Variants in CCDC187 observed in about 807,000 individuals in gnomAD.
The protein encoded by CCDC187 is coiled-coil domain-containing protein 187.
CCDC187 carries 32 observed loss-of-function variants against 38.0 expected under a neutral mutation model. The ratio of observed to expected loss-of-function variants is 0.84; its 90% CI spans 0.64 to 1.13. CCDC187 has a LOEUF of 1.13. Among genes scored for constraint, CCDC187 ranks in the 50% most tolerant of loss-of-function variants. The pLI is 0.00. For synonymous variants in CCDC187, 333 were observed against 347.9 expected (o/e 0.96, Z 0.48); for missense variants, 707 against 786.8 (o/e 0.90, Z 1.21).
In CCDC187 at chr9:136,302,912, T is replaced by C; in HGVS notation, c.525A>G (p.Ser175=). 1 of 398,704 alleles carries C rather than the reference T, an allele frequency of 2.5e-6. No homozygotes were observed. The highest frequency in any genetic ancestry group is 1.3e-4 in the South Asian group (1 of 7,868). The allele number at this position is 398,704 out of a possible 1,614,324, so 24.7% of individuals were successfully genotyped here. Reference sequence around the variant, plus strand: ...GGAGTCTGGAGGCGCTGGAGGGGGCTGAGGTGCCCAGGGACGCACAGCTCC... The same window carrying C: ...GGAGTCTGGAGGCGCTGGAGGGGGCCGAGGTGCCCAGGGACGCACAGCTCC... ...QQGSCASLGT[S]APSSASRLHK... is the part of the protein sequence containing the mutation. Residue 175 remains serine (S), a synonymous_variant, in exon 2 of 26, where the codon TCA becomes TCG. Transcript: ENST00000638797.
intron 4 of CCDC187, among the ~76,000 whole-genome samples, chr9:136,293,490 CAT>C (rs1831430417): frequency 6.8e-6 from 1 of 147,640 alleles, no homozygotes; most frequent in East Asian, 2.0e-4. Context: ...CTCACAAACA[CAT>C]GCTCACACAC....
chr9:136,281,998 G>A (rs1328532161), intron 9 of CCDC187, among the ~76,000 whole-genome samples: 1 of 152,190 alleles, frequency 6.6e-6, no homozygotes, highest in Non-Finnish European at 1.5e-5. Flanking sequence ...GCTGCTCGGA[G>A]CTCTGCACTC....
intron 2 of CCDC187, among the ~76,000 whole-genome samples, chr9:136,301,243 T>C (rs1831672934): frequency 2.0e-5 from 3 of 152,198 alleles, no homozygotes; most frequent in Non-Finnish European, 2.9e-5. Context: ...TGGAATGATT[T>C]TTATTCCATT....
chr9:136,263,312 C>T (rs1378960722), intron 18 of CCDC187, among the ~76,000 whole-genome samples: 1 of 150,016 alleles, frequency 6.7e-6, no homozygotes, highest in Non-Finnish European at 1.5e-5. Context: ...CGGCTCACTG[C>T]AGACTCCGCC....
chr9:136,273,978 C>G (rs1487208476), intron 14 of CCDC187, among the ~76,000 whole-genome samples: 1 of 152,240 alleles, frequency 6.6e-6, no homozygotes, highest in Non-Finnish European at 1.5e-5. Flanking sequence ...TGTTTGCTGA[C>G]ACACATCACA....
chr9:136,299,451 C>G (rs942905705), intron 3 of CCDC187, among the ~76,000 whole-genome samples: 1 of 152,206 alleles, frequency 6.6e-6, no homozygotes, highest in Non-Finnish European at 1.5e-5. Context: ...GAAACGCCTC[C>G]GCTCCCAAGC....
At chr9:136,293,970 TCA>T (rs1268292356) in intron 4 of CCDC187, among the ~76,000 whole-genome samples, 12 of 108,270 alleles carry the variant, frequency 1.1e-4, no homozygotes, top group Non-Finnish European at 2.3e-4. Context: ...ACACATGCCC[TCA>T]CATGCTCTCA....
chr9:136,289,914 C>CT, intron 7 of CCDC187, 45 bp downstream of exon 7: 2 of 392,848 alleles, frequency 5.1e-6, no homozygotes, highest in African/African-American at 2.1e-5. Context: ...TGGCCCCCCC[C>CT]AAGGCCCCGC....
rs1554760079 is a variant in CCDC187 at position 136,254,884 on chromosome 9, A to G, written c.4944T>C (p.Ser1648=). Residue 1648 remains serine (S), a synonymous_variant, in exon 26 of 26, where the codon TCT becomes TCC. Coordinates refer to ENST00000638797, the MANE Select transcript of CCDC187 (RefSeq NM_001378188.1). The stretch of plus-strand genomic sequence containing the variant: ...AGTCTTCAGCTTCCAAGCTGGGAAG[A>G]GAGCTGGAGCTCCCAGAAAGCTGGA... ...TLIQLSGSSS[S]LPSLEAEDSP... is the part of the protein sequence containing the mutation. The G allele has an allele frequency of 1.1e-5, 11 of 985,358 alleles. No homozygotes were observed. Among genetic ancestry groups the G allele is most frequent in the African/African-American group, 1.7e-5 (1 of 57,224 alleles). 61.0% of individuals were successfully genotyped at this position (985,358 alleles called of 1,614,324 possible).
chr9:136,280,786 C>T (rs1037870074), intron 10 of CCDC187, among the ~76,000 whole-genome samples: 2 of 152,332 alleles, frequency 1.3e-5, no homozygotes, highest in South Asian at 2.1e-4. Flanking sequence ...CCAGGCCTTC[C>T]TCAGGCCTCC....
intron 7 of CCDC187, among the ~76,000 whole-genome samples, chr9:136,287,513 G>A (rs1474231658): frequency 6.6e-5 from 10 of 152,254 alleles, no homozygotes; most frequent in African/African-American, 1.4e-4. Flanking sequence ...TTTCCTGCAC[G>A]GAGCTGCATT....
Position 136,276,191 on chromosome 9 carries a change from T to C in CCDC187, c.3225+3A>G, listed in dbSNP as rs1830927396. 6.6e-6 allele frequency: 1 copy of C among 152,316 alleles called. No homozygotes were observed. Among genetic ancestry groups the C allele is most frequent in the African/African-American group, 2.4e-5 (1 of 41,572 alleles). The allele number at this position is 152,316 out of a possible 1,614,324, so 9.4% of individuals were successfully genotyped here. A position where few individuals can be genotyped will look rare whatever the true frequency, so the allele number is the denominator to read the frequency against. The stretch of plus-strand genomic sequence containing the variant: ...GGCTCCCCCTGTGGCAAGCGGCTGC[T>C]ACCTCCAGCCGCCTCCTGAAGAGCA... On this transcript the variant is annotated splice_donor_region_variant and intron_variant, in intron 12 of 25. Transcript: ENST00000638797.
intron 7 of CCDC187, 57 bp downstream of exon 7, chr9:136,289,902 C>G (rs2131300936): frequency 6.3e-6 from 2 of 315,834 alleles, no homozygotes; most frequent in East Asian, 7.6e-5. Flanking sequence ...CAGAACTGTT[C>G]TTGGCCCCCC....
chr9:136,289,911 C>CG (rs1364789255), intron 7 of CCDC187, 48 bp downstream of exon 7: 2 of 391,730 alleles, frequency 5.1e-6, no homozygotes, highest in Middle Eastern at 6.4e-4. Flanking sequence ...TCTTGGCCCC[C>CG]CCCAAGGCCC....
intron 12 of CCDC187, among the ~76,000 whole-genome samples, chr9:136,275,323 G>C (rs914641428): frequency 5.3e-5 from 8 of 152,170 alleles, no homozygotes; most frequent in Non-Finnish European, 1.0e-4. Context: ...GGGGTGCTGG[G>C]AGGGCAGGCA....
intron 15 of CCDC187, 96 bp from the exon 16 acceptor site, chr9:136,267,607 C>G: frequency 1.0e-6 from 1 of 985,646 alleles, no homozygotes; most frequent in Non-Finnish European, 1.2e-6. Flanking sequence ...CACCGCCTAG[C>G]TTCTAGACCG....
At chr9:136,282,408 G>A (rs1250658341) in intron 9 of CCDC187, among the ~76,000 whole-genome samples, 3 of 152,264 alleles carry the variant, frequency 2.0e-5, no homozygotes, top group African/African-American at 7.2e-5. Context: ...GGGAGGCAGT[G>A]CTACTGGGAT....
rs1261774385 is a variant in CCDC187, at chr9:136,286,326, C to T, written c.2592G>A (p.Ser864=). 2.8e-5 allele frequency: 11 copies of T among 398,496 alleles called. No individual in the cohort carries two copies. The highest frequency in any genetic ancestry group is 1.3e-4 in the South Asian group (1 of 7,868). The allele number at this position is 398,496 out of a possible 1,614,324, so 24.7% of individuals were successfully genotyped here. ...VRDPAVGLLR[S]CPHSLPAAPT... is the part of the protein sequence containing the mutation. ...GGGCGGCAGGTAGGCTGTGGGGGCA[C>T]GAGCGCAGCAGGCCCACAGCTGGGT... Residue 864 remains serine (S), a synonymous_variant, in exon 8 of 26, where the codon TCG becomes TCA. Coordinates refer to ENST00000638797, the MANE Select transcript of CCDC187 (RefSeq NM_001378188.1).
At chr9:136,277,282 G>A (rs1282320235) in intron 10 of CCDC187, among the ~76,000 whole-genome samples, 2 of 137,098 alleles carry the variant, frequency 1.5e-5, no homozygotes, top group Non-Finnish European at 1.6e-5. Flanking sequence ...GTGTGGACAG[G>A]GTGGGTGGGT....
Sources: allele counts gnomAD v4.1 joint callset (sites outside exome capture counted in the v4.1 genomes callset), GRCh38; gene constraint gnomAD v4.1.1; transcripts MANE v1.5; gene names NCBI Gene and HGNC (gene_info 2026-07-23, HGNC 2026-07-21).